The following KDM4C variants were observed in gnomAD, a reference collection of about 807,000 sequenced individuals.
The protein encoded by KDM4C is lysine-specific demethylase 4C.
Under a neutral mutation model 129.3 loss-of-function variants are expected in KDM4C, and 81 were observed. That is an observed-to-expected ratio of 0.63 (90% CI 0.52 to 0.75). The LOEUF is 0.75. Among genes scored for constraint, KDM4C ranks in the 30% least tolerant of loss-of-function variants. The pLI is 0.00. For missense variants in KDM4C, 1,457 were observed against 1,304.0 expected (o/e 1.12, Z -1.81); for synonymous variants, 573 against 456.1 (o/e 1.26, Z -3.26).
intron 11 of KDM4C, among the ~76,000 whole-genome samples, chr9:6,988,515 C>T (rs1418650044): frequency 6.7e-6 from 1 of 149,924 alleles, no homozygotes; most frequent in African/African-American, 2.4e-5. Flanking sequence ...TGTTGGATAA[C>T]TCCTAGATGT....
At chr9:6,788,773 A>G (rs1041014397) in intron 1 of KDM4C, among the ~76,000 whole-genome samples, 2 of 152,186 alleles carry the variant, frequency 1.3e-5, no homozygotes, top group African/African-American at 4.8e-5. Context: ...GGCAACTGCT[A>G]TAATGAACGC....
chr9:6,755,850 T>C (rs142900162), upstream of KDM4C, among the ~76,000 whole-genome samples: 1,325 of 152,322 alleles, frequency 8.7e-3, 12 homozygotes, highest in African/African-American at 0.026. Context: ...TCTCTTCACT[T>C]TCCAAGACTG....
chr9:6,932,576 C>A (rs1449995779), intron 8 of KDM4C, among the ~76,000 whole-genome samples: 1 of 152,074 alleles, frequency 6.6e-6, no homozygotes, highest in Non-Finnish European at 1.5e-5. Flanking sequence ...CTAATTTAGT[C>A]CTTACAGCTG....
chr9:7,170,253 A>AG, intron 21 of KDM4C: 1 of 1,146,390 alleles, frequency 8.7e-7, no homozygotes, highest in South Asian at 2.0e-5. Context: ...AAAAGTATTC[A>AG]GGAGTAGATC....
chr9:6,925,951 T>C (rs192761373), intron 8 of KDM4C, among the ~76,000 whole-genome samples: 8 of 152,252 alleles, frequency 5.3e-5, no homozygotes, highest in Admixed American at 5.2e-4. Flanking sequence ...GTCACTGGAG[T>C]GGAACGTTTC....
chr9:7,151,823 C>G (rs1842757704), intron 19 of KDM4C, among the ~76,000 whole-genome samples: 1 of 152,204 alleles, frequency 6.6e-6, no homozygotes, highest in African/African-American at 2.4e-5. Flanking sequence ...CAGCACAGAA[C>G]ACGCTTAGAT....
intron 21 of KDM4C, 21 bp downstream of exon 21, chr9:7,169,911 C>T: frequency 6.2e-7 from 1 of 1,613,646 alleles, no homozygotes; most frequent in Non-Finnish European, 8.5e-7. Context: ...GCAGATGCCA[C>T]TTGGGGACCT....
intron 21 of KDM4C, among the ~76,000 whole-genome samples, chr9:7,174,038 G>T (rs1404063947): frequency 6.6e-6 from 1 of 152,224 alleles, no homozygotes; most frequent in Non-Finnish European, 1.5e-5. Context: ...GGAGAAGCAG[G>T]AGAGTGGGTT....
chr9:7,120,158 G>A (rs1024574573), intron 18 of KDM4C, among the ~76,000 whole-genome samples: 12 of 114,180 alleles, frequency 1.1e-4, no homozygotes, highest in Non-Finnish European at 1.8e-5. Context: ...AAGGAATGAT[G>A]ATTTTTTTTT....
chr9:6,779,709 T>A (rs2130745704), intron 1 of KDM4C, among the ~76,000 whole-genome samples: 1 of 152,306 alleles, frequency 6.6e-6, no homozygotes, highest in South Asian at 2.1e-4. Flanking sequence ...AATCCCTTTC[T>A]GCTTAAGTTA....
At chr9:6,942,914 T>G (rs544408098) in intron 8 of KDM4C, among the ~76,000 whole-genome samples, 3 of 152,318 alleles carry the variant, frequency 2.0e-5, no homozygotes, top group Non-Finnish European at 2.9e-5. Flanking sequence ...TCACCTCGGC[T>G]GAGTGCAGTG....
intron 12 of KDM4C, among the ~76,000 whole-genome samples, chr9:6,998,016 T>A (rs57814978): frequency 0.1 from 15,941 of 152,262 alleles, 1,307 homozygotes; most frequent in East Asian, 0.27. Flanking sequence ...ATTGGCAATA[T>A]TCAGATTAAA....
chr9:7,000,495 T>C lies in KDM4C; in HGVS notation c.1786+9971T>C, dbSNP rs190828240. 1.0e-3 allele frequency among the ~76,000 whole-genome samples: 158 copies of C among 152,336 alleles called. 1 individual carries two copies. Among genetic ancestry groups the C allele is most frequent in the Admixed American group, 7.9e-3 (121 of 15,306 alleles). On this transcript the variant is annotated intron_variant, in intron 12 of 21. Transcript: ENST00000381309. ...GTTCATGTATGCCTTGTTATTTTTT[T>C]AAAATTAACTTATAAATAAATTCAA...
At chr9:7,112,354 A>G (rs1366544651) in intron 18 of KDM4C, among the ~76,000 whole-genome samples, 3 of 152,032 alleles carry the variant, frequency 2.0e-5, no homozygotes, top group African/African-American at 4.8e-5. Flanking sequence ...AGTGGATTAG[A>G]GAGTAGAAGG....
At position 7,046,893 on chromosome 9, in the gene KDM4C, C is replaced by T. The variant is rs1456643167; in HGVS notation, c.2291C>T (p.Ala764Val). The T allele has an allele frequency of 6.2e-7, 1 of 1,606,826 alleles. No individual in the cohort carries two copies. The highest frequency in any genetic ancestry group is 2.2e-5 in the East Asian group (1 of 44,782). ...ECCLCNLRGG[A>V]LKQTKNNKWA... is the part of the protein sequence containing the mutation. ...TGTCTCTGCAATTTGAGAGGAGGTGCTCTTAAGCAAACGAAGAACAATAAG... is the reference window on the plus strand; with the variant it reads ...TGTCTCTGCAATTTGAGAGGAGGTGTTCTTAAGCAAACGAAGAACAATAAG... Residue 764 changes from alanine to valine, a missense_variant, in exon 16 of 22, where the codon GCT (alanine) becomes GTT (valine). Physicochemically the swap from Ala to Val is moderately conservative, Grantham distance 64. Coordinates refer to ENST00000381309, the MANE Select transcript of KDM4C (RefSeq NM_015061.6).
intron 5 of KDM4C, among the ~76,000 whole-genome samples, chr9:6,861,776 T>C (rs75596042): frequency 1.3e-5 from 2 of 151,520 alleles, no homozygotes; most frequent in African/African-American, 4.8e-5. Context: ...ATTTCTTTCT[T>C]TCTTTTTTTT....
At chr9:6,925,067 T>G in intron 8 of KDM4C, 2 of 985,404 alleles carry the variant, frequency 2.0e-6, no homozygotes, top group Non-Finnish European at 2.4e-6. Flanking sequence ...CAACGAAACA[T>G]GCATCCTTTT....
At chr9:6,855,452 C>T (rs1333037482) in intron 5 of KDM4C, among the ~76,000 whole-genome samples, 2 of 105,824 alleles carry the variant, frequency 1.9e-5, no homozygotes, top group African/African-American at 8.6e-5. Flanking sequence ...CAGTGAGACT[C>T]CGTCTCAAAA....
chr9:6,756,699 A>G (rs555901279), upstream of KDM4C, among the ~76,000 whole-genome samples: 11 of 152,366 alleles, frequency 7.2e-5, no homozygotes, highest in East Asian at 1.9e-3. Flanking sequence ...ACTGGGCGAC[A>G]CAGCAAGACT....
Sources: allele counts gnomAD v4.1 joint callset (sites outside exome capture counted in the v4.1 genomes callset), GRCh38; gene constraint gnomAD v4.1.1; transcripts MANE v1.5; gene names NCBI Gene and HGNC (gene_info 2026-07-23, HGNC 2026-07-21).